TPX2: variants seen among roughly 807,000 people sequenced by gnomAD.
TPX2 encodes the protein targeting protein for Xklp2.
A neutral mutation model predicts 93.6 loss-of-function variants in TPX2; 21 were observed. The ratio of observed to expected loss-of-function variants is 0.22; its 90% CI spans 0.16 to 0.32. The LOEUF is 0.32. TPX2 is among the 10% of genes least tolerant of loss of function. The pLI is 1.00. For missense variants in TPX2, 776 were observed against 871.1 expected, an observed-to-expected ratio of 0.89 and a Z score of 1.37; for synonymous variants, 281 against 298.3, an observed-to-expected ratio of 0.94 and a Z score of 0.60.
At chr20:31,746,849 C>T (rs2122950072) in intron 2 of TPX2, among the ~76,000 whole-genome samples, 1 of 152,348 alleles carries the variant, frequency 6.6e-6, no homozygotes, top group Non-Finnish European at 1.5e-5. Flanking sequence ...TGTCTGCAAT[C>T]TTCCTAATTT....
chr20:31,767,305 A>G (rs567854810), intron 5 of TPX2, among the ~76,000 whole-genome samples: 2 of 152,276 alleles, frequency 1.3e-5, no homozygotes, highest in African/African-American at 4.8e-5. Context: ...AAGGCCTTGT[A>G]TGGATATAAT....
Position 31,778,928 on chromosome 20 carries a change from A to C in TPX2, c.998A>C (p.Asp333Ala), listed in dbSNP as rs376115422. 55 of 1,610,228 alleles carry C rather than the reference A, an allele frequency of 3.4e-5. No homozygotes were observed. In the African/African-American group the frequency reaches 5.6e-4, roughly 16 times the overall value. The change falls in exon 10 of 18, where the codon GAC (aspartate) becomes GCC (alanine). Residue 333 changes from aspartate (D) to alanine (A), a missense_variant. Around this residue, in one of 3 missense-constraint regions of TPX2, gnomAD observed 461 missense variants for 551.2 expected, o/e 0.84. Transcript: ENST00000300403. The part of the protein sequence containing the change: ...TYVPLAQQVE[D>A]FHKRTPNRYH... The stretch of plus-strand genomic sequence containing the variant: ...GTGCCCCTTGCACAGCAAGTTGAAG[A>C]CTTCCATAAACGAACCCCTAACAGA...
intron 2 of TPX2, among the ~76,000 whole-genome samples, chr20:31,749,617 G>GA (rs2061806168): frequency 1.3e-5 from 2 of 151,730 alleles, no homozygotes; most frequent in African/African-American, 4.8e-5. Context: ...CCAACATGGT[G>GA]AAACCCCGTC....
chr20:31,796,914 G>T (rs1371718166), intron 15 of TPX2, among the ~76,000 whole-genome samples: 1 of 151,544 alleles, frequency 6.6e-6, no homozygotes, highest in African/African-American at 2.4e-5. Context: ...GTTTCAATAT[G>T]TATAATGTGT....
In TPX2 at chr20:31,760,177, C is replaced by A. The variant is rs1260223568; in HGVS notation, c.227C>A (p.Pro76Gln). The change falls in exon 4 of 18, where the codon CCA becomes CAA. Residue 76 changes from proline (P) to glutamine (Q), a missense_variant and splice_region_variant. Around this residue, in one of 3 missense-constraint regions of TPX2, gnomAD observed 279 missense variants for 261.6 expected, o/e 1.07. Transcript: ENST00000300403. ...CAAGCTATTGTCACACCTTTGAAAC[C>A]AGGTAAGAAAACATCTTAGAAAAAA... ...LQQAIVTPLK[P>Q]VDNTYYKEAE... is the part of the protein sequence containing the mutation. 6.2e-7 allele frequency: 1 copy of A among 1,613,216 alleles called. No homozygotes were observed. Among genetic ancestry groups the A allele is most frequent in the South Asian group, 1.1e-5 (1 of 90,968 alleles).
chr20:31,800,873 A>T, intron 17 of TPX2, 97 bp from the exon 18 acceptor site: 1 of 1,042,010 alleles, frequency 9.6e-7, no homozygotes, highest in Non-Finnish European at 1.5e-6. Flanking sequence ...GACCTGTAAA[A>T]CTCTACAAAC....
At chr20:31,763,107 G>A (rs943118421) in intron 4 of TPX2, among the ~76,000 whole-genome samples, 2 of 152,144 alleles carry the variant, frequency 1.3e-5, no homozygotes, top group Non-Finnish European at 2.9e-5. Context: ...CTGGTAATTT[G>A]ATGCCTTCAG....
chr20:31,775,970 C>A lies in TPX2; in HGVS notation c.712C>A (p.Leu238Ile). The stretch of plus-strand genomic sequence containing the variant: ...GAAAAAGAATGAAGAATTCAAGAAA[C>A]TTGCTCTGGCTGGAATAGGTGAGCT... ...MRKKNEEFKKLALAGIGQPVK... is the reference protein window; with the variant it reads ...MRKKNEEFKKIALAGIGQPVK... Residue 238 changes from leucine (L) to isoleucine (I), a missense_variant, in exon 8 of 18, where the codon CTT becomes ATT. Leu to Ile is a conservative substitution (Grantham distance 5). Coordinates refer to ENST00000300403, the MANE Select transcript of TPX2 (RefSeq NM_012112.5). 1 of 1,493,184 alleles carries A rather than the reference C, an allele frequency of 6.7e-7. No homozygotes were observed. The highest frequency in any genetic ancestry group is 9.0e-7 in the Non-Finnish European group (1 of 1,107,834). The allele number at this position is 1,493,184 out of a possible 1,614,324, so 92.5% of individuals were successfully genotyped here. A position where few individuals can be genotyped will look rare whatever the true frequency, so the allele number is the denominator to read the frequency against.
chr20:31,747,363 C>T (rs558601288), intron 2 of TPX2, among the ~76,000 whole-genome samples: 1 of 152,322 alleles, frequency 6.6e-6, no homozygotes, highest in African/African-American at 2.4e-5. Flanking sequence ...CGTGATCCGC[C>T]TGCCTTGGCC....
At chr20:31,771,746 CA>C in intron 7 of TPX2, 64 bp downstream of exon 7, 1 of 1,547,850 alleles carries the variant, frequency 6.5e-7, no homozygotes, top group African/African-American at 1.4e-5. Flanking sequence ...TTTACATCTA[CA>C]ACCTGTTTGG....
intron 2 of TPX2, among the ~76,000 whole-genome samples, chr20:31,748,432 T>A (rs2061797553): frequency 6.6e-6 from 1 of 152,124 alleles, no homozygotes; most frequent in South Asian, 2.1e-4. Context: ...AAAAGAGGAA[T>A]CAATGGATTT....
At chr20:31,765,800 C>T (rs945669782) in intron 4 of TPX2, among the ~76,000 whole-genome samples, 19 of 152,190 alleles carry the variant, frequency 1.2e-4, no homozygotes, top group Admixed American at 4.6e-4. Flanking sequence ...ATCAGGAGAT[C>T]AGTGGATTTG....
At chr20:31,758,867 G>T (rs2061868902) in intron 3 of TPX2, among the ~76,000 whole-genome samples, 1 of 151,726 alleles carries the variant, frequency 6.6e-6, no homozygotes, top group African/African-American at 2.4e-5. Flanking sequence ...GGCTGTCTGA[G>T]GATTTCTTTT....
At position 31,751,589 on chromosome 20, in the gene TPX2, T is replaced by G. The variant is rs117603021; in HGVS notation, c.-70-5818T>G. 2.5e-4 allele frequency among the ~76,000 whole-genome samples: 38 copies of G among 152,290 alleles called. 1 individual carries two copies. The East Asian group carries it at 6.6e-3, about 26-fold the overall frequency. On this transcript the variant is annotated intron_variant, in intron 2 of 17. Coordinates refer to ENST00000300403, the MANE Select transcript of TPX2 (RefSeq NM_012112.5). ...TCATAGCACTTGAAGTAGCTTCTTATTTGATTATGGTAAGAAGGTAGGCAG... is the reference window on the plus strand; with the variant it reads ...TCATAGCACTTGAAGTAGCTTCTTAGTTGATTATGGTAAGAAGGTAGGCAG...
At chr20:31,743,814 C>T (rs1382868367) in intron 2 of TPX2, among the ~76,000 whole-genome samples, 1 of 151,622 alleles carries the variant, frequency 6.6e-6, no homozygotes, top group East Asian at 1.9e-4. Flanking sequence ...GTAACCTCCG[C>T]CTCCCAGGTT....
intron 4 of TPX2, among the ~76,000 whole-genome samples, chr20:31,762,989 G>A (rs754805358): frequency 2.2e-4 from 33 of 152,190 alleles, no homozygotes; most frequent in Non-Finnish European, 3.8e-4. Flanking sequence ...CTATAAATAC[G>A]TGGATTTTTT....
At chr20:31,773,582 G>A (rs929999601) in intron 7 of TPX2, among the ~76,000 whole-genome samples, 1 of 152,168 alleles carries the variant, frequency 6.6e-6, no homozygotes, top group Admixed American at 6.5e-5. Flanking sequence ...GAGCCACCAT[G>A]CCTGGCCTGA....
Position 31,793,899 on chromosome 20 carries a change from G to A in TPX2, c.1561G>A (p.Val521Met). ...AGCTCAACCTGTGCCACATTATGGG[G>A]TGCCTTTTAAGCCCCAAATCCCAGA... ...IKAQPVPHYG[V>M]PFKPQIPEAR... The change falls in exon 14 of 18, where the codon GTG (valine) becomes ATG (methionine). Residue 521 changes from valine to methionine, a missense_variant. Transcript: ENST00000300403. The A allele has an allele frequency of 1.2e-6, 2 of 1,613,448 alleles. No individual in the cohort carries two copies.
intron 2 of TPX2, among the ~76,000 whole-genome samples, chr20:31,752,464 G>A (rs944390700): frequency 2.0e-5 from 3 of 152,062 alleles, no homozygotes; most frequent in East Asian, 3.9e-4. Context: ...ATATTTAATC[G>A]TACCTTGACT....
Sources: allele counts gnomAD v4.1 joint callset (sites outside exome capture counted in the v4.1 genomes callset), GRCh38; gene constraint gnomAD v4.1.1; regional missense constraint gnomAD v4.1.1; transcripts MANE v1.5; gene names NCBI Gene and HGNC (gene_info 2026-07-23, HGNC 2026-07-21).